TSPAN6: variants seen among roughly 807,000 people sequenced by gnomAD.
TSPAN6 encodes the protein tetraspanin 6.
TSPAN6 carries 13 observed loss-of-function variants against 18.0 expected under a neutral mutation model. The ratio of observed to expected loss-of-function variants is 0.72; its 90% CI spans 0.47 to 1.15. The LOEUF is 1.15. Ranked by LOEUF, TSPAN6 falls within the 50% of genes most tolerant of loss-of-function variation. TSPAN6 has a pLI of 0.00. For synonymous variants in TSPAN6, 82 were observed against 67.0 expected, an observed-to-expected ratio of 1.22 and a Z score of -1.09; for missense variants, 186 against 183.9, an observed-to-expected ratio of 1.01 and a Z score of -0.07.
intron 5 of TSPAN6, 37 bp from the exon 6 acceptor site, chrX:100,632,605 C>CAGGCTGTATTAAAGATTAAAA (rs2083067491): frequency 1.0e-6 from 1 of 976,650 alleles, no homozygotes; most frequent in Admixed American, 2.4e-5. Context: ...AAATACAGCA[C>CAGGCTGTATTAAAGATTAAAA]AAGCAGCCTG....
At position 100,632,485 on chromosome X, in the gene TSPAN6, T is replaced by C; in HGVS notation, c.669A>G (p.Gln223=). The C allele has an allele frequency of 8.3e-7, 1 of 1,200,423 alleles. No homozygotes were observed. The highest frequency in any genetic ancestry group is 1.1e-6 in the Non-Finnish European group (1 of 885,944). Residue 223 remains glutamine, a splice_region_variant and synonymous_variant, in exon 6 of 8, where the codon CAA becomes CAG. Transcript: ENST00000373020. ...TTCCTAAGTAACTACAAAAACTTAC[T>C]TGGAAGCAAGCAACTCCAAAGGAAA... ...AGISFGVACF[Q]LIGIFLAYCL... is the part of the protein sequence containing the mutation.
chrX:100,635,103 T>C lies in TSPAN6; in HGVS notation c.351+75A>G, dbSNP rs111978433. The C allele has an allele frequency of 2.4e-3, 1,967 of 834,383 alleles. 18 individuals are homozygous for C. The African/African-American group carries it at 0.036, about 15-fold the overall frequency. The allele number at this position is 834,383 out of a possible 1,213,427, so 68.8% of individuals were successfully genotyped here. On this transcript the variant is annotated intron_variant, in intron 3 of 7. Transcript: ENST00000373020. ...AGGTTTAAATACAGAGGTCTGACTC[T>C]TCTACTTTAATAAATCCATTTTTAT...
chrX:100,633,536 G>T lies in TSPAN6; in HGVS notation c.454C>A (p.His152Asn). The T allele has an allele frequency of 8.4e-7, 1 of 1,185,280 alleles. No homozygotes were observed. Among genetic ancestry groups the T allele is most frequent in the Non-Finnish European group, 1.1e-6 (1 of 885,611 alleles). Reference protein sequence around the residue: ...HAVDKIQNTLHCCGVTDYRDW... With the variant: ...HAVDKIQNTLNCCGVTDYRDW... The stretch of plus-strand genomic sequence containing the variant: ...CTATAATCGGTGACACCACAACAAT[G>T]CAACTGAAAAACCCAACAAAAGCAT... Residue 152 changes from histidine to asparagine, a missense_variant, in exon 5 of 8, where the codon CAT becomes AAT. Transcript: ENST00000373020.
At chrX:100,636,917 A>ATACAAAGGTTCTAG (rs1242150048), upstream of TSPAN6, 7 of 285,787 alleles carry the variant, frequency 2.4e-5, no homozygotes, top group Non-Finnish European at 4.2e-5. Flanking sequence ...CGAAAACTAT[A>ATACAAAGGTTCTAG]TACAAAGGTT....
chrX:100,633,860 T>C lies in TSPAN6; in HGVS notation c.450+71A>G, dbSNP rs1035695449. On this transcript the variant is annotated intron_variant, in intron 4 of 7. Coordinates refer to ENST00000373020, the MANE Select transcript of TSPAN6 (RefSeq NM_003270.4). ...TCCCCTACAGGTGGATAACATCTAG[T>C]AGCCAGACTCTGCTCTTTTCTCTGA... 3 of 762,156 alleles carry C rather than the reference T, an allele frequency of 3.9e-6. No homozygotes were observed. In the African/African-American group the frequency reaches 6.6e-5, roughly 17 times the overall value. 62.8% of individuals were successfully genotyped at this position (762,156 alleles called of 1,213,427 possible).
rs769614998 is a variant in TSPAN6 at position 100,635,591 on chromosome X, A to G, written c.243T>C (p.Ala81=). 7.5e-6 allele frequency: 9 copies of G among 1,198,541 alleles called. No individual in the cohort carries two copies. Among genetic ancestry groups the G allele is most frequent in the Non-Finnish European group, 1.0e-5 (9 of 888,036 alleles). ...GCATCCATGCAGAAGCTCGGCAGGT[A>G]GCAAAACAACCAAAGGTGCCCAAAA... ...IILLGTFGCF[A]TCRASAWMLK... The change falls in exon 2 of 8, where the codon GCT becomes GCC. Residue 81 remains alanine (A), a synonymous_variant. Coordinates refer to ENST00000373020, the MANE Select transcript of TSPAN6 (RefSeq NM_003270.4).
Position 100,627,210 on chromosome X carries a change from C to T in TSPAN6, c.*2816G>A, listed in dbSNP as rs1357182734. The T allele has an allele frequency of 1.8e-5, 2 of 112,053 alleles. No homozygotes were observed. The highest frequency in any genetic ancestry group is 3.8e-5 in the Non-Finnish European group (2 of 53,262). 9.2% of individuals were successfully genotyped at this position (112,053 alleles called of 1,213,427 possible). A position where few individuals can be genotyped will look rare whatever the true frequency, so the allele number is the denominator to read the frequency against. Reference sequence around the variant, plus strand: ...ATGGAAATCTAACAAGCTTTTCACACTTAAGATATACCTAGAGATTTCTGC... The same window carrying T: ...ATGGAAATCTAACAAGCTTTTCACATTTAAGATATACCTAGAGATTTCTGC... On this transcript the variant is annotated 3_prime_UTR_variant, in exon 8 of 8. Transcript: ENST00000373020.
rs1569353811 is a variant in TSPAN6, at chrX:100,635,223, C to T, written c.306G>A (p.Leu102=). ...LYAMFLTLVF[L]VELVAAIVGF... Reference sequence around the variant, plus strand: ...CTACGATGGCAGCGACCAGTTCGACCAAAAAAACGAGAGTCAGAAACATTG... The same window carrying T: ...CTACGATGGCAGCGACCAGTTCGACTAAAAAAACGAGAGTCAGAAACATTG... Residue 102 remains leucine, a synonymous_variant, in exon 3 of 8, where the codon TTG becomes TTA. Coordinates refer to ENST00000373020, the MANE Select transcript of TSPAN6 (RefSeq NM_003270.4). 8.4e-7 allele frequency: 1 copy of T among 1,196,142 alleles called. No homozygotes were observed. The highest frequency in any genetic ancestry group is 2.2e-5 in the Admixed American group (1 of 45,419).
chrX:100,635,105 C>G, intron 3 of TSPAN6, 73 bp downstream of exon 3: 1 of 841,646 alleles, frequency 1.2e-6, no homozygotes, highest in South Asian at 2.4e-5. Context: ...TCTGACTCTT[C>G]TACTTTAATA....
In TSPAN6 at chrX:100,636,753, C is replaced by G; in HGVS notation, c.-59G>C. ...CGATTGGAACACAGAGAGCGAGACGCGGAGTCCCCGAGTCTCCCCGGAAAC... is the reference window on the plus strand; with the variant it reads ...CGATTGGAACACAGAGAGCGAGACGGGGAGTCCCCGAGTCTCCCCGGAAAC... On this transcript the variant is annotated 5_prime_UTR_variant, in exon 1 of 8. Coordinates refer to ENST00000373020, the MANE Select transcript of TSPAN6 (RefSeq NM_003270.4). 2 of 1,125,367 alleles carry G rather than the reference C, an allele frequency of 1.8e-6. No individual in the cohort carries two copies. Among genetic ancestry groups the G allele is most frequent in the South Asian group, 2.3e-5 (1 of 44,307 alleles). The allele number at this position is 1,125,367 out of a possible 1,213,427, so 92.7% of individuals were successfully genotyped here. A position where few individuals can be genotyped will look rare whatever the true frequency, so the allele number is the denominator to read the frequency against.
chrX:100,635,422 G>T, intron 2 of TSPAN6, 136 bp downstream of exon 2: 1 of 683,340 alleles, frequency 1.5e-6, no homozygotes, highest in Non-Finnish European at 2.2e-6. Context: ...ACTGGCAGCT[G>T]AACTGTTACT....
In TSPAN6 at chrX:100,635,626, C is replaced by T; in HGVS notation, c.208G>A (p.Val70Ile). The change falls in exon 2 of 8, where the codon GTC becomes ATC. Residue 70 changes from valine to isoleucine, a missense_variant. By Grantham distance (29) the Val-to-Ile change is conservative. Transcript: ENST00000373020. ...VPFVLIATGT[V>I]IILLGTFGCF... ...CCAAAGGTGCCCAAAAGAATAATGA[C>T]GGTACCAGTAGCAATGAGCACGAAG... is the stretch of plus-strand genomic sequence containing the variant. 2.5e-6 allele frequency: 3 copies of T among 1,202,376 alleles called. No individual in the cohort carries two copies. The highest frequency in any genetic ancestry group is 3.4e-6 in the Non-Finnish European group (3 of 890,133).
intron 6 of TSPAN6, 45 bp downstream of exon 6, chrX:100,632,440 C>T (rs772220399): frequency 2.0e-6 from 2 of 1,018,112 alleles, no homozygotes; most frequent in Admixed American, 4.5e-5. Flanking sequence ...TAGCTTACAC[C>T]TACAAGAGGG....
intron 5 of TSPAN6, among the ~76,000 whole-genome samples, chrX:100,632,926 T>TAA (rs35792000): frequency 4.6e-5 from 5 of 107,768 alleles, no homozygotes; most frequent in African/African-American, 1.7e-4. Flanking sequence ...ACACTGTCTT[T>TAA]AAAAAAAAAT....
rs2083047340 is a variant in TSPAN6 at position 100,629,854 on chromosome X, T to C, written c.*172A>G. On this transcript the variant is annotated 3_prime_UTR_variant, in exon 8 of 8. Transcript: ENST00000373020. The stretch of plus-strand genomic sequence containing the variant: ...ACGGATCTTGATTGAATCAGCCTAT[T>C]GGTGTAGTTTTAGGTCTACATACAT... The C allele has an allele frequency of 3.8e-6, 1 of 260,175 alleles. No individual in the cohort carries two copies. The highest frequency in any genetic ancestry group is 3.0e-5 in the African/African-American group (1 of 33,741). 21.4% of individuals were successfully genotyped at this position (260,175 alleles called of 1,213,427 possible).
In TSPAN6 at chrX:100,627,588, C is replaced by T. The variant is rs1455874029; in HGVS notation, c.*2438G>A. 1 of 111,330 alleles carries T rather than the reference C, an allele frequency of 9.0e-6. No individual in the cohort carries two copies. The highest frequency in any genetic ancestry group is 3.3e-5 in the African/African-American group (1 of 30,567). The allele number at this position is 111,330 out of a possible 1,213,427, so 9.2% of individuals were successfully genotyped here. ...GTGAACTTTCCTTTGTACCAGTTATCATTAGGTGAAATGTTTCCTCATTAC... is the reference window on the plus strand; with the variant it reads ...GTGAACTTTCCTTTGTACCAGTTATTATTAGGTGAAATGTTTCCTCATTAC... On this transcript the variant is annotated 3_prime_UTR_variant, in exon 8 of 8. Coordinates refer to ENST00000373020, the MANE Select transcript of TSPAN6 (RefSeq NM_003270.4).
At chrX:100,634,107 C>A in intron 3 of TSPAN6, 78 bp from the exon 4 acceptor site, 3 of 610,697 alleles carry the variant, frequency 4.9e-6, no homozygotes, top group Non-Finnish European at 8.0e-6. Flanking sequence ...GTTCTCGAAT[C>A]TGACCAATGG....
Position 100,628,250 on chromosome X carries a change from T to C in TSPAN6, c.*1776A>G. On this transcript the variant is annotated 3_prime_UTR_variant, in exon 8 of 8. Coordinates refer to ENST00000373020, the MANE Select transcript of TSPAN6 (RefSeq NM_003270.4). ...TTAATCTCAGTAGCCAAAAATCTGA[T>C]TTGCTGTACTTGAGTCACTATTTTT... The C allele has an allele frequency of 8.9e-6, 1 of 112,393 alleles. No individual in the cohort carries two copies. The highest frequency in any genetic ancestry group is 1.9e-5 in the Non-Finnish European group (1 of 53,342). The allele number at this position is 112,393 out of a possible 1,213,427, so 9.3% of individuals were successfully genotyped here.
Position 100,633,969 on chromosome X carries a change from C to T in TSPAN6, c.412G>A (p.Asp138Asn). ...TTGTCTACTGCATGGCTTCTATAAT[C>T]TCCTGTAGAGTTATACTGCTTCAAA... ...KALKQYNSTG[D>N]YRSHAVDKIQ... The change falls in exon 4 of 8, where the codon GAT becomes AAT. Residue 138 changes from aspartate (D) to asparagine (N), a missense_variant. Transcript: ENST00000373020. The T allele has an allele frequency of 8.3e-7, 1 of 1,205,960 alleles. No individual in the cohort carries two copies. Among genetic ancestry groups the T allele is most frequent in the Non-Finnish European group, 1.1e-6 (1 of 892,128 alleles).
Sources: allele counts gnomAD v4.1 joint callset (sites outside exome capture counted in the v4.1 genomes callset), GRCh38; gene constraint gnomAD v4.1.1; transcripts MANE v1.5; gene names NCBI Gene and HGNC (gene_info 2026-07-23, HGNC 2026-07-21).